The following FANCC variants were observed in gnomAD, a reference collection of about 807,000 sequenced individuals.
The protein encoded by FANCC is Fanconi anemia group C protein.
A neutral mutation model predicts 71.3 loss-of-function variants in FANCC; 55 were observed. The ratio of observed to expected loss-of-function variants is 0.77; its 90% CI spans 0.62 to 0.97. The LOEUF (loss-of-function observed/expected upper bound fraction) is 0.97, where lower values mean the gene tolerates loss of function less well. Among genes scored for constraint, FANCC ranks in the 50% least tolerant of loss-of-function variants. FANCC has a pLI of 0.00. For synonymous variants in FANCC, 275 were observed against 244.9 expected (o/e 1.12, Z -1.15); for missense variants, 678 against 670.9 (o/e 1.01, Z -0.12).
intron 1 of FANCC, among the ~76,000 whole-genome samples, chr9:95,304,589 GA>G (rs34635814): frequency 0.98 from 141,404 of 144,872 alleles, 69,035 homozygotes; most frequent in East Asian, 1. Context: ...TACTAAAAAC[GA>G]AAAAAAAAAA....
Position 95,236,002 on chromosome 9 carries a change from A to C in FANCC, c.345+4647T>G, listed in dbSNP as rs185153766. Among the ~76,000 whole-genome samples, 373 of 152,258 alleles carry C rather than the reference A, an allele frequency of 2.4e-3. 2 individuals carry two copies. Among genetic ancestry groups the C allele is most frequent in the East Asian group, 0.016 (81 of 5,186 alleles). On this transcript the variant is annotated intron_variant, in intron 4 of 14. Transcript: ENST00000289081. The stretch of plus-strand genomic sequence containing the variant: ...CATTTATGTTTTGTGTAAGTCTGTT[A>C]GATTTTTTAATTTATAAGTTTTTTC...
chr9:95,263,777 G>A (rs1201778339), intron 1 of FANCC, among the ~76,000 whole-genome samples: 1 of 152,058 alleles, frequency 6.6e-6, no homozygotes, highest in Non-Finnish European at 1.5e-5. Context: ...AAAGGGTCTC[G>A]GGGACCCTGG....
chr9:95,293,640 G>T, intron 1 of FANCC: 1 of 1,614,190 alleles, frequency 6.2e-7, no homozygotes, highest in Non-Finnish European at 8.5e-7. Flanking sequence ...GGCCACCGCT[G>T]ATTCCTCTGT....
intron 12 of FANCC, chr9:95,113,765 G>A (rs1234693755): frequency 6.6e-6 from 1 of 151,976 alleles, no homozygotes; most frequent in Non-Finnish European, 1.5e-5. Flanking sequence ...TGGGACTACA[G>A]GCACCCGCCA....
At chr9:95,258,743 T>C (rs576497881) in intron 1 of FANCC, among the ~76,000 whole-genome samples, 4 of 152,296 alleles carry the variant, frequency 2.6e-5, no homozygotes, top group Non-Finnish European at 5.9e-5. Context: ...AGACAGGAAG[T>C]CAAATTGTCT....
At chr9:95,256,778 G>A (rs1237777361) in intron 1 of FANCC, among the ~76,000 whole-genome samples, 1 of 151,906 alleles carries the variant, frequency 6.6e-6, no homozygotes, top group Non-Finnish European at 1.5e-5. Context: ...TCAGTGTGCT[G>A]TAAGGAGACC....
At chr9:95,244,562 C>T (rs1359495413) in intron 3 of FANCC, among the ~76,000 whole-genome samples, 2 of 151,390 alleles carry the variant, frequency 1.3e-5, no homozygotes, top group African/African-American at 4.9e-5. Flanking sequence ...GCCTATAGTC[C>T]CAGCTACTCA....
At chr9:95,274,087 C>A (rs1832897807) in intron 1 of FANCC, among the ~76,000 whole-genome samples, 1 of 152,126 alleles carries the variant, frequency 6.6e-6, no homozygotes, top group Non-Finnish European at 1.5e-5. Flanking sequence ...AGATTTGTTA[C>A]ACAGGTATAC....
At chr9:95,282,803 A>C (rs1185702585) in intron 1 of FANCC, among the ~76,000 whole-genome samples, 1 of 152,226 alleles carries the variant, frequency 6.6e-6, no homozygotes, top group Non-Finnish European at 1.5e-5. Context: ...TTACAAATAC[A>C]TAGAAATTAA....
At chr9:95,114,564 G>A (rs1314916547) in intron 12 of FANCC, 65 bp downstream of exon 12, 4 of 1,393,620 alleles carry the variant, frequency 2.9e-6, no homozygotes, top group Non-Finnish European at 4.1e-6. Context: ...CCTGCTCAAA[G>A]GGCAGATGAG....
At chr9:95,157,461 C>T (rs968344453) in intron 6 of FANCC, among the ~76,000 whole-genome samples, 1 of 152,180 alleles carries the variant, frequency 6.6e-6, no homozygotes, top group African/African-American at 2.4e-5. Context: ...GAGCAACATT[C>T]TGAGCATCGT....
chr9:95,273,344 T>C (rs1018709112), intron 1 of FANCC, among the ~76,000 whole-genome samples: 3 of 152,178 alleles, frequency 2.0e-5, no homozygotes, highest in African/African-American at 4.8e-5. Context: ...TAAGACTCTA[T>C]TGCACTAGAT....
intron 1 of FANCC, among the ~76,000 whole-genome samples, chr9:95,271,997 C>T (rs1832763270): frequency 1.6e-5 from 2 of 126,832 alleles, no homozygotes; most frequent in Admixed American, 9.9e-5. Flanking sequence ...AGTGCAGTGG[C>T]GCGATCCTGG....
chr9:95,224,552 TG>T (rs1455881033), intron 4 of FANCC, among the ~76,000 whole-genome samples: 1 of 151,968 alleles, frequency 6.6e-6, no homozygotes, highest in Non-Finnish European at 1.5e-5. Flanking sequence ...CACACTGTTG[TG>T]CAACAGATCT....
chr9:95,268,070 C>T (rs952080677), intron 1 of FANCC, among the ~76,000 whole-genome samples: 9 of 152,248 alleles, frequency 5.9e-5, no homozygotes, highest in African/African-American at 1.9e-4. Context: ...ATCAGCACAT[C>T]CAGGCTGTGA....
rs11404119 is a variant in FANCC, at chr9:95,157,127, GT to G, written c.522-7041del. 1.4e-3 allele frequency among the ~76,000 whole-genome samples: 210 copies of G among 150,602 alleles called. 2 individuals carry two copies. The highest frequency in any genetic ancestry group is 4.7e-3 in the African/African-American group (191 of 40,978). Reference sequence around the variant, plus strand: ...AAACAATGCTATGCTGTTTTCCTGTGTTTTTTTTTCCTTCTAGAAGGCATCT... The same window carrying G: ...AAACAATGCTATGCTGTTTTCCTGTGTTTTTTTTCCTTCTAGAAGGCATCT... On this transcript the variant is annotated intron_variant, in intron 6 of 14. Coordinates refer to ENST00000289081, the MANE Select transcript of FANCC (RefSeq NM_000136.3).
intron 1 of FANCC, among the ~76,000 whole-genome samples, chr9:95,258,848 G>T (rs1195149261): frequency 2.6e-5 from 4 of 152,198 alleles, no homozygotes; most frequent in African/African-American, 9.6e-5. Flanking sequence ...AAAGTCTCAG[G>T]ATACAAAATC....
At chr9:95,269,292 T>C (rs1832585220) in intron 1 of FANCC, among the ~76,000 whole-genome samples, 1 of 152,200 alleles carries the variant, frequency 6.6e-6, no homozygotes, top group Non-Finnish European at 1.5e-5. Flanking sequence ...CTGGGAAGGA[T>C]GTATGTAAAG....
At chr9:95,164,148 TCTA>T (rs1830926710) in intron 6 of FANCC, among the ~76,000 whole-genome samples, 1 of 152,208 alleles carries the variant, frequency 6.6e-6, no homozygotes, top group African/African-American at 2.4e-5. Flanking sequence ...GTTTATTAGT[TCTA>T]ACAATTTTTT....
Sources: allele counts gnomAD v4.1 joint callset (sites outside exome capture counted in the v4.1 genomes callset), GRCh38; gene constraint gnomAD v4.1.1; transcripts MANE v1.5; gene names NCBI Gene and HGNC (gene_info 2026-07-23, HGNC 2026-07-21).